Variants in CCL16 observed in about 807,000 individuals in gnomAD.
The protein encoded by CCL16 is C-C motif chemokine ligand 16, also known as C-C motif chemokine 16.
Under a neutral mutation model 7.5 loss-of-function variants are expected in CCL16, and 6 were observed. That is an observed-to-expected ratio of 0.80 (90% CI 0.44 to 1.57). The LOEUF (loss-of-function observed/expected upper bound fraction) is 1.57. Ranked by LOEUF, CCL16 falls within the 40% of genes most tolerant of loss-of-function variation. The pLI, the probability that CCL16 is intolerant of heterozygous loss-of-function variation, is 0.01. For synonymous variants in CCL16, 60 were observed against 57.7 expected (o/e 1.04, Z -0.18); for missense variants, 134 against 142.9 (o/e 0.94, Z 0.32).
At chr17:35,980,837 A>C (rs2089675766) in intron 1 of CCL16, among the ~76,000 whole-genome samples, 1 of 151,600 alleles carries the variant, frequency 6.6e-6, no homozygotes, top group African/African-American at 2.4e-5. Flanking sequence ...TTCCACTGGG[A>C]CTCATTTTGG....
intron 1 of CCL16, 103 bp from the exon 2 acceptor site, chr17:35,978,366 G>A: frequency 6.6e-7 from 1 of 1,513,790 alleles, no homozygotes; most frequent in Non-Finnish European, 9.1e-7. Flanking sequence ...TGATAGCAAA[G>A]CCGTCTGTTA....
chr17:35,980,901 G>A (rs937091903), intron 1 of CCL16, among the ~76,000 whole-genome samples: 1 of 152,108 alleles, frequency 6.6e-6, no homozygotes, highest in African/African-American at 2.4e-5. Context: ...GGGCTCTCTC[G>A]GTTCAGACTC....
In CCL16 at chr17:35,977,392, C is replaced by A; in HGVS notation, c.*174G>T. ...GCGTACCTCTGCCCACGTCCCTTAA[C>A]TTTGGTATTTCCTCCTAAGATTGAG... is the stretch of plus-strand genomic sequence containing the variant. On this transcript the variant is annotated 3_prime_UTR_variant, in exon 3 of 3. Transcript: ENST00000611905. The A allele has an allele frequency of 2.0e-6, 1 of 502,780 alleles. No homozygotes were observed. 31.1% of individuals were successfully genotyped at this position (502,780 alleles called of 1,614,324 possible). A position where few individuals can be genotyped will look rare whatever the true frequency, so the allele number is the denominator to read the frequency against.
In CCL16 at chr17:35,981,410, G is replaced by A; in HGVS notation, c.11C>T (p.Ser4Phe). 1.2e-6 allele frequency: 2 copies of A among 1,611,720 alleles called. No individual in the cohort carries two copies. Residue 4 changes from serine (S) to phenylalanine (F), a missense_variant, in exon 1 of 3, where the codon TCC (serine) becomes TTC (phenylalanine). Ser to Phe is a radical substitution (Grantham distance 155). Transcript: ENST00000611905. MKV[S>F]EAALSLLVLI... is the part of the protein sequence containing the mutation. The stretch of plus-strand genomic sequence containing the variant: ...GACAAGGAGAGACAGGGCAGCCTCG[G>A]AGACCTTCATCCTCTCAGCGAGGCA...
In CCL16 at chr17:35,977,449, A is replaced by G. The variant is rs1451075024; in HGVS notation, c.*117T>C. 2 of 854,462 alleles carry G rather than the reference A, an allele frequency of 2.3e-6. No homozygotes were observed. The highest frequency in any genetic ancestry group is 3.4e-5 in the African/African-American group (2 of 58,392). 52.9% of individuals were successfully genotyped at this position (854,462 alleles called of 1,614,324 possible). A position where few individuals can be genotyped will look rare whatever the true frequency, so the allele number is the denominator to read the frequency against. On this transcript the variant is annotated 3_prime_UTR_variant, in exon 3 of 3. Coordinates refer to ENST00000611905, the MANE Select transcript of CCL16 (RefSeq NM_004590.4). ...TTCGAAATACTTCTCCTTTATTTTG[A>G]TCATTGTTCTGCTTCTCTCAATGTG...
At chr17:35,977,881 C>T (rs530959964) in intron 2 of CCL16, 150 bp from the exon 3 acceptor site, 3 of 924,370 alleles carry the variant, frequency 3.2e-6, no homozygotes, top group African/African-American at 3.3e-5. Context: ...CAGCCTCTCT[C>T]TCTGGCCTCA....
Position 35,977,232 on chromosome 17 carries a change from C to T in CCL16, c.*334G>A. On this transcript the variant is annotated 3_prime_UTR_variant, in exon 3 of 3. Coordinates refer to ENST00000611905, the MANE Select transcript of CCL16 (RefSeq NM_004590.4). ...ACTCGGGAGGCTGGGGTGGGAGGAT[C>T]ACTTGAGCCTGGGAGGTGGAGGTTA... 6.3e-6 allele frequency: 1 copy of T among 159,762 alleles called. No individual in the cohort carries two copies. The highest frequency in any genetic ancestry group is 1.4e-5 in the Non-Finnish European group (1 of 73,462). The allele number at this position is 159,762 out of a possible 1,614,324, so 9.9% of individuals were successfully genotyped here.
At chr17:35,980,931 C>A (rs1014570305) in intron 1 of CCL16, among the ~76,000 whole-genome samples, 34 of 152,140 alleles carry the variant, frequency 2.2e-4, no homozygotes, top group African/African-American at 8.0e-4. Context: ...GGACTTAGAC[C>A]CACATGATTG....
intron 1 of CCL16, among the ~76,000 whole-genome samples, chr17:35,979,351 C>CT (rs1365401547): frequency 1.3e-5 from 2 of 151,994 alleles, no homozygotes; most frequent in Non-Finnish European, 2.9e-5. Context: ...AATTTGGACT[C>CT]TATCTTAGAG....
In CCL16 at chr17:35,978,142, C is replaced by T. The variant is rs754560966; in HGVS notation, c.197+1G>A. On this transcript the variant is annotated splice_donor_variant, in intron 2 of 2. Transcript: ENST00000611905. LOFTEE classifies it high-confidence loss of function. ...AGAAATATCTAAAAGGACGTGCTTA[C>T]ATGATTGCTGGCAGGTGACAGTTGA... is the stretch of plus-strand genomic sequence containing the variant. The T allele has an allele frequency of 1.9e-6, 3 of 1,614,084 alleles. No homozygotes were observed. In the African/African-American group the frequency reaches 4.0e-5, roughly 22 times the overall value.
In CCL16 at chr17:35,981,338, G is replaced by A; in HGVS notation, c.76+7C>T. ...CGTTCCTGCCCTACAGAGACAAGTG[G>A]ACTCACTTGGCTGGCTGCGAGAAGC... On this transcript the variant is annotated splice_region_variant and intron_variant, in intron 1 of 2. Coordinates refer to ENST00000611905, the MANE Select transcript of CCL16 (RefSeq NM_004590.4). The A allele has an allele frequency of 3.8e-6, 6 of 1,599,142 alleles. No homozygotes were observed. Among genetic ancestry groups the A allele is most frequent in the Non-Finnish European group, 5.1e-6 (6 of 1,168,002 alleles).
intron 1 of CCL16, chr17:35,979,052 CG>C (rs2089661904): frequency 6.6e-6 from 1 of 151,804 alleles, no homozygotes; most frequent in African/African-American, 2.4e-5. Context: ...CACTTAAACC[CG>C]GGAGTCAGAG....
intron 1 of CCL16, among the ~76,000 whole-genome samples, chr17:35,981,060 T>C (rs1362951976): frequency 6.6e-6 from 1 of 152,116 alleles, no homozygotes; most frequent in Non-Finnish European, 1.5e-5. Context: ...TTTCTGCTGC[T>C]TTCTTGGCCT....
At chr17:35,979,019 T>A (rs1173718307) in intron 1 of CCL16, 1 of 151,954 alleles carries the variant, frequency 6.6e-6, no homozygotes. Context: ...TCCCAGCTAT[T>A]CGGGAGGCTG....
intron 1 of CCL16, among the ~76,000 whole-genome samples, chr17:35,978,522 G>T (rs2089657830): frequency 6.6e-6 from 1 of 152,360 alleles, no homozygotes; most frequent in African/African-American, 2.4e-5. Context: ...CCGGGAGGAA[G>T]CTGGCTCATT....
chr17:35,977,676 G>T lies in CCL16; in HGVS notation c.253C>A (p.Gln85Lys). 1.9e-6 allele frequency: 3 copies of T among 1,612,248 alleles called. No individual in the cohort carries two copies. Among genetic ancestry groups the T allele is most frequent in the Non-Finnish European group, 2.5e-6 (3 of 1,179,996 alleles). Residue 85 changes from glutamine to lysine, a missense_variant, in exon 3 of 3, where the codon CAA (glutamine) becomes AAA (lysine). Gln to Lys is a moderately conservative substitution (Grantham distance 53). Coordinates refer to ENST00000611905, the MANE Select transcript of CCL16 (RefSeq NM_004590.4). ...AGGTTGGGATCCTTGATGTACTCTT[G>T]GACCCAGTCGTCATTGGGGTTGGTG... ...VCTNPNDDWV[Q>K]EYIKDPNLPL...
chr17:35,978,238 T>G lies in CCL16; in HGVS notation c.102A>C (p.Pro34=). Residue 34 remains proline (P), a synonymous_variant, in exon 2 of 3, where the codon CCA becomes CCC. Coordinates refer to ENST00000611905, the MANE Select transcript of CCL16 (RefSeq NM_004590.4). Reference sequence around the variant, plus strand: ...CATAATACTTCAGGCAGCAGGTGGATGGGGTGTTCACCCACTCAGGAACTT... The same window carrying G: ...CATAATACTTCAGGCAGCAGGTGGAGGGGGTGTTCACCCACTCAGGAACTT... ...QPKVPEWVNT[P]STCCLKYYEK... 6.2e-7 allele frequency: 1 copy of G among 1,614,214 alleles called. No homozygotes were observed. Among genetic ancestry groups the G allele is most frequent in the Non-Finnish European group, 8.5e-7 (1 of 1,180,042 alleles).
At chr17:35,981,035 C>A (rs1256390792) in intron 1 of CCL16, among the ~76,000 whole-genome samples, 1 of 152,190 alleles carries the variant, frequency 6.6e-6, no homozygotes, top group Non-Finnish European at 1.5e-5. Flanking sequence ...TCATTGCATG[C>A]ACTTCTTGTT....
At chr17:35,978,432 G>C (rs1284988015) in intron 1 of CCL16, among the ~76,000 whole-genome samples, 169 bp from the exon 2 acceptor site, 1 of 152,188 alleles carries the variant, frequency 6.6e-6, no homozygotes, top group Non-Finnish European at 1.5e-5. Context: ...AATCCCTTTG[G>C]GGGACATACA....
Sources: gnomAD v4.1 joint callset for allele counts (sites outside exome capture counted in the v4.1 genomes callset) on GRCh38, gnomAD v4.1.1 for gene constraint, MANE v1.5 for transcripts, NCBI Gene and HGNC (gene_info 2026-07-23, HGNC 2026-07-21) for gene names.